Variants in LYPD6 observed in about 807,000 individuals in gnomAD.
The protein encoded by LYPD6 is ly6/PLAUR domain-containing protein 6.
LYPD6 carries 15 observed loss-of-function variants against 22.7 expected under a neutral mutation model. That is an observed-to-expected ratio of 0.66 (90% CI 0.44 to 1.02). LYPD6 has a LOEUF of 1.02. Ranked by LOEUF, LYPD6 falls within the 50% of genes least tolerant of loss-of-function variation. The pLI is 0.00. For missense variants in LYPD6, 189 were observed against 208.4 expected, an observed-to-expected ratio of 0.91 and a Z score of 0.57; for synonymous variants, 72 against 77.5, an observed-to-expected ratio of 0.93 and a Z score of 0.37.
chr2:149,331,964 C>G (rs1680947350), intron 1 of LYPD6, among the ~76,000 whole-genome samples: 1 of 152,188 alleles, frequency 6.6e-6, no homozygotes, highest in African/African-American at 2.4e-5. Context: ...GGAACTCGAG[C>G]TAGCTGTTTA....
At chr2:149,484,964 C>T in the LYPD6 span, among the ~76,000 whole-genome samples, 11,011 of 152,244 alleles carry the variant, frequency 0.072, 795 homozygotes, top group African/African-American at 0.19. Context: ...AATCTCACAA[C>T]ATCTACTTCT....
chr2:149,352,612 C>T (rs1231207399), intron 1 of LYPD6, among the ~76,000 whole-genome samples: 1 of 152,132 alleles, frequency 6.6e-6, no homozygotes, highest in Non-Finnish European at 1.5e-5. Context: ...TGGCTACCTC[C>T]TTTTGTAAAT....
chr2:149,419,835 T>C (rs1035882281), intron 1 of LYPD6, among the ~76,000 whole-genome samples: 2 of 81,110 alleles, frequency 2.5e-5, no homozygotes, highest in African/African-American at 2.1e-4. Context: ...TCAGGGTGTG[T>C]GTGTGTGTGT....
At chr2:149,335,064 A>G (rs1313356916) in intron 1 of LYPD6, among the ~76,000 whole-genome samples, 1 of 152,202 alleles carries the variant, frequency 6.6e-6, no homozygotes, top group Non-Finnish European at 1.5e-5. Context: ...AATGATATTA[A>G]ACACCTATGT....
At chr2:149,429,518 T>G (rs1176258032) in intron 1 of LYPD6, among the ~76,000 whole-genome samples, 1 of 152,258 alleles carries the variant, frequency 6.6e-6, no homozygotes, top group Non-Finnish European at 1.5e-5. Context: ...AACCAATGTG[T>G]TCTTAAAAAT....
intron 1 of LYPD6, among the ~76,000 whole-genome samples, chr2:149,332,393 G>C (rs983937896): frequency 6.6e-6 from 1 of 152,220 alleles, no homozygotes; most frequent in African/African-American, 2.4e-5. Context: ...TTTGTAAGGT[G>C]AATGTTTATA....
chr2:149,467,815 T>C (rs913993929), intron 3 of LYPD6, among the ~76,000 whole-genome samples: 3 of 152,160 alleles, frequency 2.0e-5, no homozygotes, highest in African/African-American at 7.2e-5. Flanking sequence ...CTGGAGGCCA[T>C]AAAGAATTAC....
intron 1 of LYPD6, among the ~76,000 whole-genome samples, chr2:149,424,367 A>G (rs1430502245): frequency 6.6e-6 from 1 of 152,186 alleles, no homozygotes; most frequent in Non-Finnish European, 1.5e-5. Context: ...TGAAAGCTAT[A>G]TGTGGTATAT....
intron 1 of LYPD6, among the ~76,000 whole-genome samples, chr2:149,410,380 T>TA (rs2105121387): frequency 6.6e-6 from 1 of 152,308 alleles, no homozygotes; most frequent in East Asian, 1.9e-4. Context: ...AGTTGTTAAA[T>TA]ACATGAGCCA....
Position 149,461,476 on chromosome 2 carries a change from C to G in LYPD6, c.218-7169C>G, listed in dbSNP as rs567369004. The stretch of plus-strand genomic sequence containing the variant: ...CCAAGTTTTAATAGAGGAATTAACA[C>G]CAATTCTAGATAAAATCTTCCAGAA... On this transcript the variant is annotated intron_variant, in intron 3 of 4. Coordinates refer to ENST00000334166, the MANE Select transcript of LYPD6 (RefSeq NM_194317.5). Among the ~76,000 whole-genome samples, 5 of 151,704 alleles carry G rather than the reference C, an allele frequency of 3.3e-5. No individual in the cohort carries two copies. In the South Asian group the frequency reaches 8.3e-4, roughly 25 times the overall value.
intron 4 of LYPD6, among the ~76,000 whole-genome samples, chr2:149,470,363 G>C (rs1014578360): frequency 3.3e-5 from 5 of 152,158 alleles, no homozygotes; most frequent in African/African-American, 4.8e-5. Context: ...ACACGGACGA[G>C]TTTCTTTATT....
intron 2 of LYPD6, among the ~76,000 whole-genome samples, chr2:149,441,923 C>T (rs1683576913): frequency 6.6e-6 from 1 of 152,060 alleles, no homozygotes; most frequent in South Asian, 2.1e-4. Flanking sequence ...TCATGTACAC[C>T]AAAGAGCTGT....
At chr2:149,366,654 TA>T (rs1482903450) in intron 1 of LYPD6, among the ~76,000 whole-genome samples, 1 of 152,228 alleles carries the variant, frequency 6.6e-6, no homozygotes, top group Non-Finnish European at 1.5e-5. Flanking sequence ...GTAGAATTTT[TA>T]AGATTAACTT....
intron 1 of LYPD6, among the ~76,000 whole-genome samples, chr2:149,353,648 A>T (rs1445443750): frequency 6.6e-6 from 1 of 152,202 alleles, no homozygotes; most frequent in Non-Finnish European, 1.5e-5. Flanking sequence ...AATTTTAAAG[A>T]TGAATTACTT....
Position 149,398,297 on chromosome 2 carries a change from G to T in LYPD6, c.-71-39341G>T, listed in dbSNP as rs149018422. On this transcript the variant is annotated intron_variant, in intron 1 of 4. Coordinates refer to ENST00000334166, the MANE Select transcript of LYPD6 (RefSeq NM_194317.5). ...CTCCTTTTTCTCTATTATTTGCTTGGCTGTGATATGACAATTGCCTTTTCA... is the reference window on the plus strand; with the variant it reads ...CTCCTTTTTCTCTATTATTTGCTTGTCTGTGATATGACAATTGCCTTTTCA... Among the ~76,000 whole-genome samples the T allele has an allele frequency of 3.0e-4, 45 of 151,736 alleles. 1 individual carries two copies. In the Middle Eastern group the frequency reaches 0.017, roughly 58 times the overall value.
At chr2:149,391,566 T>C (rs911713910) in intron 1 of LYPD6, among the ~76,000 whole-genome samples, 1 of 152,150 alleles carries the variant, frequency 6.6e-6, no homozygotes, top group African/African-American at 2.4e-5. Context: ...TTCACATCTA[T>C]AGGGCCCCTC....
chr2:149,406,024 T>G (rs1301234057), intron 1 of LYPD6, among the ~76,000 whole-genome samples: 2 of 150,600 alleles, frequency 1.3e-5, no homozygotes, highest in Non-Finnish European at 3.0e-5. Context: ...GTTGTTCAGT[T>G]TCCATGTAGT....
At chr2:149,361,897 A>G (rs1357981955) in intron 1 of LYPD6, among the ~76,000 whole-genome samples, 1 of 152,108 alleles carries the variant, frequency 6.6e-6, no homozygotes, top group Non-Finnish European at 1.5e-5. Context: ...GGGTTGGGGC[A>G]GAGAAGATGA....
At chr2:149,376,747 C>T (rs553517125) in intron 1 of LYPD6, among the ~76,000 whole-genome samples, 83 of 152,256 alleles carry the variant, frequency 5.5e-4, no homozygotes, top group Non-Finnish European at 9.7e-4. Flanking sequence ...AATCCAGGGA[C>T]GCATGTAAAG....
Sources: gnomAD v4.1 joint callset for allele counts (sites outside exome capture counted in the v4.1 genomes callset) on GRCh38, gnomAD v4.1.1 for gene constraint, MANE v1.5 for transcripts, NCBI Gene and HGNC (gene_info 2026-07-23, HGNC 2026-07-21) for gene names.